The following ATL1 variants were observed in gnomAD, a reference collection of about 807,000 sequenced individuals.
ATL1 encodes the protein atlastin-1.
ATL1 carries 31 observed loss-of-function variants against 75.5 expected under a neutral mutation model. The ratio of observed to expected loss-of-function variants is 0.41; its 90% CI spans 0.31 to 0.55. The LOEUF (loss-of-function observed/expected upper bound fraction) is 0.55, where lower values mean the gene tolerates loss of function less well. ATL1 is among the 20% of genes least tolerant of loss of function. The probability of loss-of-function intolerance (pLI) is 0.27; values close to 1 mark genes in which losing one functional copy is unlikely to be tolerated. For synonymous variants in ATL1, 226 were observed against 233.3 expected (o/e 0.97, Z 0.28); for missense variants, 405 against 662.6 (o/e 0.61, Z 4.27).
In ATL1 at chr14:50,591,643, T is replaced by G. The variant is rs776796883; in HGVS notation, c.522+4T>G. ...CACAATGATCAGCTCAATACAGGTATGAAATAAGCCCATTTTGATGATGTT... is the reference window on the plus strand; with the variant it reads ...CACAATGATCAGCTCAATACAGGTAGGAAATAAGCCCATTTTGATGATGTT... On this transcript the variant is annotated splice_donor_region_variant and intron_variant, in intron 4 of 13. Coordinates refer to ENST00000358385, the MANE Select transcript of ATL1 (RefSeq NM_015915.5). The G allele has an allele frequency of 6.3e-7, 1 of 1,596,992 alleles. No homozygotes were observed. Among genetic ancestry groups the G allele is most frequent in the East Asian group, 2.2e-5 (1 of 44,676 alleles).
In ATL1 at chr14:50,613,349, AAGGTTTGTTAGATATTT is replaced by A. The variant is rs1461170744; in HGVS notation, c.723+3_723+19del. ...TGCCAAATTCTTGGAAAAACGCCTCAAGGTTTGTTAGATATTTAGGTGCATGAAATTTCACTAATAAT... is the reference window on the plus strand; with the variant it reads ...TGCCAAATTCTTGGAAAAACGCCTCAAGGTGCATGAAATTTCACTAATAAT... On this transcript the variant is annotated splice_donor_variant and splice_donor_5th_base_variant and coding_sequence_variant and intron_variant, in exon 7 of 14. Transcript: ENST00000358385. LOFTEE classifies it high-confidence loss of function. 3.7e-6 allele frequency: 6 copies of A among 1,611,198 alleles called. No individual in the cohort carries two copies. The highest frequency in any genetic ancestry group is 4.2e-6 in the Non-Finnish European group (5 of 1,178,046).
intron 1 of ATL1, among the ~76,000 whole-genome samples, chr14:50,578,394 G>A (rs977684742): frequency 2.0e-5 from 3 of 152,218 alleles, no homozygotes; most frequent in African/African-American, 4.8e-5. Flanking sequence ...TACAAAGGCA[G>A]ACAAGGAAAG....
In ATL1 at chr14:50,614,508, A is replaced by G. The variant is rs1409243571; in HGVS notation, c.859A>G (p.Lys287Glu). 3 of 1,613,738 alleles carry G rather than the reference A, an allele frequency of 1.9e-6. No individual in the cohort carries two copies. Among genetic ancestry groups the G allele is most frequent in the African/African-American group, 1.3e-5 (1 of 74,910 alleles). The change falls in exon 8 of 14, where the codon AAA (lysine) becomes GAA (glutamate). Residue 287 changes from lysine (K) to glutamate (E), a missense_variant. Around this residue, in one of 5 missense-constraint regions of ATL1, gnomAD observed 56 missense variants for 66.6 expected, o/e 0.84. Coordinates refer to ENST00000358385, the MANE Select transcript of ATL1 (RefSeq NM_015915.5). ...CAATCCAAACTTTGATGGAAAATTGAAAGGTTTGTGTCTTTTAATGAATAT... is the reference window on the plus strand; with the variant it reads ...CAATCCAAACTTTGATGGAAAATTGGAAGGTTTGTGTCTTTTAATGAATAT... ...ATNPNFDGKLKEIDDEFIKNL... is the reference protein window; with the variant it reads ...ATNPNFDGKLEEIDDEFIKNL...
intron 6 of ATL1, among the ~76,000 whole-genome samples, chr14:50,601,353 AAGAG>A (rs1390669689): frequency 1.3e-5 from 2 of 152,248 alleles, no homozygotes; most frequent in South Asian, 2.1e-4. Flanking sequence ...CATGGTTTAA[AAGAG>A]AGAATTAAAA....
At chr14:50,541,071 A>G (rs1465226460) in intron 1 of ATL1, among the ~76,000 whole-genome samples, 1 of 152,224 alleles carries the variant, frequency 6.6e-6, no homozygotes, top group African/African-American at 2.4e-5. Context: ...CTTGGCACCT[A>G]GAAGGTAGCT....
intron 4 of ATL1, among the ~76,000 whole-genome samples, chr14:50,592,644 G>A (rs2140206500): frequency 6.6e-6 from 1 of 152,024 alleles, no homozygotes; most frequent in African/African-American, 2.4e-5. Flanking sequence ...AGGCACGGTG[G>A]CTCACGCCTG....
chr14:50,543,908 G>A (rs1255521715), intron 1 of ATL1, among the ~76,000 whole-genome samples: 1 of 152,140 alleles, frequency 6.6e-6, no homozygotes, highest in Non-Finnish European at 1.5e-5. Flanking sequence ...AGATGACATG[G>A]TCACAATTCT....
intron 1 of ATL1, among the ~76,000 whole-genome samples, chr14:50,539,782 C>T (rs1036406017): frequency 2.6e-5 from 4 of 152,210 alleles, no homozygotes; most frequent in Non-Finnish European, 4.4e-5. Flanking sequence ...GCTCTGTTGA[C>T]TTGAGCATCT....
intron 2 of ATL1, among the ~76,000 whole-genome samples, chr14:50,588,854 T>C (rs1445425518): frequency 6.6e-6 from 1 of 152,242 alleles, no homozygotes; most frequent in Non-Finnish European, 1.5e-5. Flanking sequence ...GAAATGTTAT[T>C]ATGCTAATTA....
intron 8 of ATL1, 141 bp downstream of exon 8, chr14:50,614,652 A>T: frequency 2.1e-6 from 2 of 962,396 alleles, no homozygotes; most frequent in Non-Finnish European, 1.6e-6. Context: ...AGAATAGGGC[A>T]TCCTGGGCTG....
intron 1 of ATL1, among the ~76,000 whole-genome samples, chr14:50,580,019 ACT>A (rs2039041341): frequency 6.6e-6 from 1 of 152,180 alleles, no homozygotes; most frequent in Non-Finnish European, 1.5e-5. Flanking sequence ...AGTAAAATTA[ACT>A]TTTTTAATCT....
At position 50,614,501 on chromosome 14, in the gene ATL1, A is replaced by G. The variant is rs1222369908; in HGVS notation, c.852A>G (p.Gly284=). 3 of 1,613,784 alleles carry G rather than the reference A, an allele frequency of 1.9e-6. No homozygotes were observed. The African/African-American group carries it at 4.0e-5, about 22-fold the overall frequency. Residue 284 remains glycine (G), a synonymous_variant, in exon 8 of 14, where the codon GGA becomes GGG. Coordinates refer to ENST00000358385, the MANE Select transcript of ATL1 (RefSeq NM_015915.5). The part of the protein sequence containing the change: ...LKVATNPNFD[G]KLKEIDDEFI... ...TAGCTACCAATCCAAACTTTGATGG[A>G]AAATTGAAAGGTTTGTGTCTTTTAA...
At chr14:50,558,207 A>G (rs1311475529), upstream of ATL1, among the ~76,000 whole-genome samples, 2 of 152,160 alleles carry the variant, frequency 1.3e-5, no homozygotes, top group Non-Finnish European at 2.9e-5. Flanking sequence ...TCTACATACA[A>G]AAACAGCCAG....
chr14:50,619,220 AT>A (rs888432782), intron 8 of ATL1, among the ~76,000 whole-genome samples: 1 of 151,896 alleles, frequency 6.6e-6, no homozygotes, highest in African/African-American at 2.4e-5. Flanking sequence ...CGCCTGGCTA[AT>A]TTTTTTTATT....
intron 2 of ATL1, among the ~76,000 whole-genome samples, chr14:50,588,485 A>T (rs1481993015): frequency 6.6e-6 from 1 of 152,198 alleles, no homozygotes; most frequent in East Asian, 1.9e-4. Context: ...CTTGGTATCC[A>T]CCACCCAGAT....
At chr14:50,543,270 A>G (rs1595566909) in intron 1 of ATL1, among the ~76,000 whole-genome samples, 1 of 152,370 alleles carries the variant, frequency 6.6e-6, no homozygotes, top group South Asian at 2.1e-4. Context: ...AGCAGAGGCC[A>G]TTGCAGAGAT....
At chr14:50,543,218 A>C (rs1021000714) in intron 1 of ATL1, among the ~76,000 whole-genome samples, 3 of 152,234 alleles carry the variant, frequency 2.0e-5, no homozygotes, top group African/African-American at 7.2e-5. Flanking sequence ...CTTGCCAAGG[A>C]TAATTCAGTT....
Position 50,597,220 on chromosome 14 carries a change from C to CAAAAAAAAAAAAA in ATL1, c.630+1589_630+1601dup, listed in dbSNP as rs372066395. Among the ~76,000 whole-genome samples, 152 of 108,298 alleles carry CAAAAAAAAAAAAA rather than the reference C, an allele frequency of 1.4e-3. 2 individuals are homozygous for CAAAAAAAAAAAAA. Among genetic ancestry groups the CAAAAAAAAAAAAA allele is most frequent in the African/African-American group, 3.9e-3 (95 of 24,096 alleles). 71.0% of individuals were successfully genotyped at this position (108,298 alleles called of 152,430 possible). A position where few individuals can be genotyped will look rare whatever the true frequency, so the allele number is the denominator to read the frequency against. On this transcript the variant is annotated intron_variant, in intron 6 of 13. Transcript: ENST00000358385. ...CAAGACTCTGTCTCAAAAAAACAAA[C>CAAAAAAAAAAAAA]AAAAAAAAAAAAAGAAAAAAGAAAA... is the stretch of plus-strand genomic sequence containing the variant.
chr14:50,603,578 T>C (rs1324344381), intron 6 of ATL1, among the ~76,000 whole-genome samples: 1 of 152,232 alleles, frequency 6.6e-6, no homozygotes, highest in Non-Finnish European at 1.5e-5. Context: ...CAATTAGGAA[T>C]TATTTTACTC....
Sources: gnomAD v4.1 joint callset for allele counts (sites outside exome capture counted in the v4.1 genomes callset) on GRCh38, gnomAD v4.1.1 for gene constraint, gnomAD v4.1.1 regional missense constraint, MANE v1.5 for transcripts, NCBI Gene and HGNC (gene_info 2026-07-23, HGNC 2026-07-21) for gene names.